The following DLGAP1 variants were observed in gnomAD, a reference collection of about 807,000 sequenced individuals.
DLGAP1 encodes the protein disks large-associated protein 1.
DLGAP1 carries 11 observed loss-of-function variants against 90.8 expected under a neutral mutation model. The ratio of observed to expected loss-of-function variants is 0.12; its 90% CI spans 0.08 to 0.20. The LOEUF is 0.20. Among genes scored for constraint, DLGAP1 ranks in the 10% least tolerant of loss-of-function variants. The pLI is 1.00. For missense variants in DLGAP1, 1,050 were observed against 1,333.8 expected, an observed-to-expected ratio of 0.79 and a Z score of 3.31; for synonymous variants, 558 against 540.7, an observed-to-expected ratio of 1.03 and a Z score of -0.44.
At chr18:4,047,381 GACTT>G (rs2075069818) in intron 2 of DLGAP1, among the ~76,000 whole-genome samples, 2 of 152,322 alleles carry the variant, frequency 1.3e-5, no homozygotes, top group South Asian at 4.1e-4. Context: ...AATGTAATGA[GACTT>G]AGTTATAACC....
At chr18:4,120,687 G>A (rs969227580) in intron 2 of DLGAP1, among the ~76,000 whole-genome samples, 5 of 143,904 alleles carry the variant, frequency 3.5e-5, no homozygotes, top group African/African-American at 1.5e-4. Flanking sequence ...CAAACAAACC[G>A]ATTGTAATGT....
intron 7 of DLGAP1, chr18:3,708,357 G>GT (rs2147196528): frequency 4.4e-6 from 2 of 453,814 alleles, no homozygotes; most frequent in Non-Finnish European, 8.9e-6. Flanking sequence ...AAAACAAAAT[G>GT]TTTTTTATTG....
intron 4 of DLGAP1, among the ~76,000 whole-genome samples, chr18:3,861,210 T>C (rs1327225225): frequency 1.3e-5 from 2 of 152,212 alleles, no homozygotes; most frequent in East Asian, 3.9e-4. Flanking sequence ...TACATTGTTA[T>C]AGGAGCTCCA....
At chr18:4,416,520 G>C (rs1047769563) in intron 1 of DLGAP1, among the ~76,000 whole-genome samples, 1 of 152,148 alleles carries the variant, frequency 6.6e-6, no homozygotes, top group Admixed American at 6.6e-5. Flanking sequence ...CTTTTAAAAA[G>C]TATTAAAGAT....
chr18:4,046,606 G>A (rs1198048427), intron 2 of DLGAP1, among the ~76,000 whole-genome samples: 2 of 152,216 alleles, frequency 1.3e-5, no homozygotes, highest in Admixed American at 1.3e-4. Context: ...GAGTATTTGG[G>A]CATTATCTCC....
At chr18:3,576,594 C>T (rs1171513630) in intron 8 of DLGAP1, among the ~76,000 whole-genome samples, 3 of 133,516 alleles carry the variant, frequency 2.2e-5, no homozygotes, top group Non-Finnish European at 3.2e-5. Context: ...GATGGAGCTT[C>T]GCTCTTGTTG....
intron 2 of DLGAP1, among the ~76,000 whole-genome samples, chr18:4,113,685 C>G (rs1000922263): frequency 1.3e-5 from 2 of 152,024 alleles, no homozygotes; most frequent in Non-Finnish European, 2.9e-5. Flanking sequence ...TAAATTCTTT[C>G]TCAAGGCAGA....
chr18:4,218,481 C>G (rs1464780365), intron 1 of DLGAP1, among the ~76,000 whole-genome samples: 1 of 151,812 alleles, frequency 6.6e-6, no homozygotes, highest in Non-Finnish European at 1.5e-5. Context: ...AACATTTAAA[C>G]CTAATCTTTT....
intron 4 of DLGAP1, among the ~76,000 whole-genome samples, chr18:3,833,825 A>T (rs2068205018): frequency 6.6e-6 from 1 of 152,202 alleles, no homozygotes; most frequent in Admixed American, 6.5e-5. Context: ...TTATTAAGAT[A>T]CTTGAAGGTG....
At chr18:4,224,102 T>C (rs617304) in intron 1 of DLGAP1, among the ~76,000 whole-genome samples, 136,764 of 152,220 alleles carry the variant, frequency 0.9, 61,722 homozygotes, top group African/African-American at 0.98. Context: ...AGGGAACCTG[T>C]TGCCTTGAGT....
At chr18:3,949,909 T>C (rs1568315376) in intron 3 of DLGAP1, among the ~76,000 whole-genome samples, 1 of 152,242 alleles carries the variant, frequency 6.6e-6, no homozygotes, top group Non-Finnish European at 1.5e-5. Context: ...ATATTTTGTT[T>C]CTTTAAGGAA....
chr18:3,571,806 G>A (rs1290538929), intron 8 of DLGAP1, among the ~76,000 whole-genome samples: 1 of 152,140 alleles, frequency 6.6e-6, no homozygotes, highest in Non-Finnish European at 1.5e-5. Context: ...GATTACAGGC[G>A]TGAGCCAATG....
intron 2 of DLGAP1, among the ~76,000 whole-genome samples, chr18:4,134,550 G>A (rs2076369670): frequency 6.6e-6 from 1 of 152,048 alleles, no homozygotes; most frequent in Admixed American, 6.6e-5. Flanking sequence ...TAATACCAAT[G>A]CATATGTTAT....
intron 1 of DLGAP1, among the ~76,000 whole-genome samples, chr18:4,393,968 T>C (rs7244263): frequency 0.096 from 14,599 of 151,950 alleles, 1,013 homozygotes; most frequent in African/African-American, 0.2. Flanking sequence ...CCATGGCTCA[T>C]CTCCTTCCTG....
intron 4 of DLGAP1, among the ~76,000 whole-genome samples, chr18:3,877,245 C>T (rs888071637): frequency 6.6e-6 from 1 of 152,084 alleles, no homozygotes; most frequent in Non-Finnish European, 1.5e-5. Flanking sequence ...CCACTTTTCA[C>T]CACTACCTGA....
chr18:4,255,425 ACT>A (rs1164137842), intron 1 of DLGAP1, among the ~76,000 whole-genome samples: 2 of 151,228 alleles, frequency 1.3e-5, no homozygotes, highest in Middle Eastern at 3.4e-3. Flanking sequence ...TCTCTATGTT[ACT>A]CTCTCTCTTT....
In DLGAP1 at chr18:4,148,851, A is replaced by G. The variant is rs2076628148; in HGVS notation, c.-159+2329T>C. ...ATTATATTCTTCCTCTGAGCATATG[A>G]TCTTCTAGGTCACAACACAACCACA... On this transcript the variant is annotated intron_variant, in intron 2 of 12. Transcript: ENST00000315677. Among the ~76,000 whole-genome samples, 3 of 152,194 alleles carry G rather than the reference A, an allele frequency of 2.0e-5. 1 individual carries two copies. Among genetic ancestry groups the G allele is most frequent in the Admixed American group, 2.0e-4 (3 of 15,264 alleles).
At chr18:3,963,943 G>T (rs2073263676) in intron 3 of DLGAP1, among the ~76,000 whole-genome samples, 1 of 152,086 alleles carries the variant, frequency 6.6e-6, no homozygotes. Flanking sequence ...TGGATGCATT[G>T]GCTTAAACAT....
At chr18:4,157,450 C>T (rs2076775237) in intron 1 of DLGAP1, among the ~76,000 whole-genome samples, 1 of 152,178 alleles carries the variant, frequency 6.6e-6, no homozygotes, top group Non-Finnish European at 1.5e-5. Flanking sequence ...GAAGACTAGT[C>T]AGTTTCCACT....
Sources: gnomAD v4.1 joint callset for allele counts (sites outside exome capture counted in the v4.1 genomes callset) on GRCh38, gnomAD v4.1.1 for gene constraint, MANE v1.5 for transcripts, NCBI Gene and HGNC (gene_info 2026-07-23, HGNC 2026-07-21) for gene names.